Variants in DPYD observed in about 807,000 individuals in gnomAD.
DPYD encodes dihydropyrimidine dehydrogenase [NADP(+)].
DPYD carries 109 observed loss-of-function variants against 116.2 expected under a neutral mutation model. The ratio of observed to expected loss-of-function variants is 0.94; its 90% CI spans 0.80 to 1.10. DPYD has a LOEUF of 1.10. Among genes scored for constraint, DPYD ranks in the 50% least tolerant of loss-of-function variants. The pLI is 0.00. For synonymous variants in DPYD, 440 were observed against 432.0 expected, an observed-to-expected ratio of 1.02 and a Z score of -0.23; for missense variants, 1,302 against 1,254.5, an observed-to-expected ratio of 1.04 and a Z score of -0.57.
chr1:97,789,553 C>G (rs1440367083), intron 3 of DPYD, among the ~76,000 whole-genome samples: 2 of 152,128 alleles, frequency 1.3e-5, no homozygotes, highest in African/African-American at 4.8e-5. Context: ...GGCTTTCACC[C>G]TCAGAAAATA....
At chr1:97,207,419 T>A (rs1659714085) in intron 19 of DPYD, among the ~76,000 whole-genome samples, 1 of 152,170 alleles carries the variant, frequency 6.6e-6, no homozygotes, top group African/African-American at 2.4e-5. Flanking sequence ...AGCATTTTTC[T>A]TCATATTCAA....
At chr1:97,267,401 A>G (rs1442487139) in intron 18 of DPYD, among the ~76,000 whole-genome samples, 1 of 152,140 alleles carries the variant, frequency 6.6e-6, no homozygotes, top group Non-Finnish European at 1.5e-5. Context: ...CAGTGATTGA[A>G]GATCAGATTC....
At chr1:97,294,983 T>C (rs947325203) in intron 18 of DPYD, among the ~76,000 whole-genome samples, 1 of 152,188 alleles carries the variant, frequency 6.6e-6, no homozygotes, top group African/African-American at 2.4e-5. Flanking sequence ...TTGTAGACTA[T>C]TAGAATTTAA....
At chr1:97,738,909 T>C (rs998307515) in intron 4 of DPYD, among the ~76,000 whole-genome samples, 23 of 152,258 alleles carry the variant, frequency 1.5e-4, no homozygotes, top group African/African-American at 5.3e-4. Flanking sequence ...ATCCTTTTTG[T>C]CTTTTTTTCT....
At chr1:97,744,294 C>T (rs1398307667) in intron 3 of DPYD, among the ~76,000 whole-genome samples, 3 of 151,976 alleles carry the variant, frequency 2.0e-5, no homozygotes, top group East Asian at 1.9e-4. Flanking sequence ...AGTAATGAAA[C>T]AAGCGGCATT....
intron 13 of DPYD, among the ~76,000 whole-genome samples, chr1:97,482,314 T>C (rs1419202407): frequency 6.6e-6 from 1 of 152,180 alleles, no homozygotes; most frequent in Non-Finnish European, 1.5e-5. Flanking sequence ...CATTTTCCAC[T>C]AAGGATGAAC....
In DPYD at chr1:97,130,922, T is replaced by TC. The variant is rs1280901824; in HGVS notation, c.2623-32291_2623-32290insG. 7.8e-3 allele frequency among the ~76,000 whole-genome samples: 1,026 copies of TC among 131,054 alleles called. 19 individuals carry two copies. Among genetic ancestry groups the TC allele is most frequent in the African/African-American group, 0.027 (961 of 35,718 alleles). The allele number at this position is 131,054 out of a possible 152,430, so 86.0% of individuals were successfully genotyped here. On this transcript the variant is annotated intron_variant, in intron 20 of 22. Coordinates refer to ENST00000370192, the MANE Select transcript of DPYD (RefSeq NM_000110.4). Reference sequence around the variant, plus strand: ...CCCTCCCTCACTCCCTCCCTCCCTCTTTCTCTCTCTCTATCTATCTATCTA... The same window carrying TC: ...CCCTCCCTCACTCCCTCCCTCCCTCTCTTCTCTCTCTCTATCTATCTATCTA...
chr1:97,620,986 T>C (rs556524495), intron 8 of DPYD, among the ~76,000 whole-genome samples: 1 of 152,270 alleles, frequency 6.6e-6, no homozygotes, highest in African/African-American at 2.4e-5. Context: ...AATCAGCATA[T>C]TTGTACATAT....
rs79330900 is a variant in DPYD at position 97,918,575 on chromosome 1, C to T, written c.39+2309G>A. Among the ~76,000 whole-genome samples the T allele has an allele frequency of 3.9e-5, 6 of 152,272 alleles. No individual in the cohort carries two copies. In the East Asian group the frequency reaches 1.2e-3, roughly 29 times the overall value. On this transcript the variant is annotated intron_variant, in intron 1 of 22. Coordinates refer to ENST00000370192, the MANE Select transcript of DPYD (RefSeq NM_000110.4). ...TTTTCCATGTTCCTAACCGTCAAAT[C>T]CTGATGTGATATTGGATTCAGACTA...
intron 11 of DPYD, among the ~76,000 whole-genome samples, chr1:97,567,081 A>G (rs1652569520): frequency 6.6e-6 from 1 of 152,104 alleles, no homozygotes; most frequent in Non-Finnish European, 1.5e-5. Context: ...AAATTCTTGA[A>G]TTTTTGCATC....
At chr1:97,352,066 A>G (rs1034341898) in intron 16 of DPYD, among the ~76,000 whole-genome samples, 2 of 152,182 alleles carry the variant, frequency 1.3e-5, no homozygotes, top group Admixed American at 6.5e-5. Flanking sequence ...ATTCACTGCC[A>G]AGGAGGTTTG....
chr1:97,524,709 T>C (rs573482091), intron 12 of DPYD, among the ~76,000 whole-genome samples: 3 of 152,302 alleles, frequency 2.0e-5, no homozygotes, highest in East Asian at 3.9e-4. Flanking sequence ...TCTGTATCCA[T>C]CATCAAACAC....
At chr1:97,300,420 A>T (rs1357160739) in intron 18 of DPYD, among the ~76,000 whole-genome samples, 2 of 152,112 alleles carry the variant, frequency 1.3e-5, no homozygotes, top group African/African-American at 4.8e-5. Flanking sequence ...CAATTTATGC[A>T]TCGATAATCA....
intron 1 of DPYD, among the ~76,000 whole-genome samples, chr1:97,891,576 C>A (rs781564592): frequency 6.6e-6 from 1 of 151,838 alleles, no homozygotes; most frequent in African/African-American, 2.4e-5. Flanking sequence ...CAGTGGAATG[C>A]GGAAACATAC....
At chr1:97,637,146 C>A (rs1657615092) in intron 8 of DPYD, among the ~76,000 whole-genome samples, 1 of 152,082 alleles carries the variant, frequency 6.6e-6, no homozygotes, top group East Asian at 1.9e-4. Context: ...ACTAAGAGTA[C>A]AGCTACCATA....
chr1:97,273,765 G>C (rs577180720), intron 18 of DPYD, among the ~76,000 whole-genome samples: 2 of 152,100 alleles, frequency 1.3e-5, no homozygotes, highest in Admixed American at 6.6e-5. Flanking sequence ...TAAAATGCAA[G>C]TGTCTTGCTT....
intron 19 of DPYD, among the ~76,000 whole-genome samples, chr1:97,229,347 T>C (rs1661425410): frequency 6.7e-6 from 1 of 149,794 alleles, no homozygotes; most frequent in Non-Finnish European, 1.5e-5. Context: ...ATTGCAGAGT[T>C]ACATTAATTT....
chr1:97,634,433 T>G (rs924112448), intron 8 of DPYD, among the ~76,000 whole-genome samples: 11 of 151,904 alleles, frequency 7.2e-5, no homozygotes, highest in Admixed American at 6.6e-5. Flanking sequence ...AAGCATCAAT[T>G]TATGACACAA....
chr1:97,099,715 G>C (rs1056381349), intron 20 of DPYD, among the ~76,000 whole-genome samples: 1 of 152,038 alleles, frequency 6.6e-6, no homozygotes, highest in Non-Finnish European at 1.5e-5. Flanking sequence ...CCTGATCTCT[G>C]ACCTAGCAAG....
Sources: gnomAD v4.1 joint callset for allele counts (sites outside exome capture counted in the v4.1 genomes callset) on GRCh38, gnomAD v4.1.1 for gene constraint, MANE v1.5 for transcripts, NCBI Gene and HGNC (gene_info 2026-07-23, HGNC 2026-07-21) for gene names.